The following MYO18B variants were observed in gnomAD, a reference collection of about 807,000 sequenced individuals.
The protein encoded by MYO18B is myosin XVIIIB.
MYO18B carries 204 observed loss-of-function variants against 273.0 expected under a neutral mutation model. The ratio of observed to expected loss-of-function variants is 0.75; its 90% CI spans 0.67 to 0.84. The LOEUF (loss-of-function observed/expected upper bound fraction) is 0.84. Among genes scored for constraint, MYO18B ranks in the 40% least tolerant of loss-of-function variants. The pLI is 0.00. For missense variants in MYO18B, 3,212 were observed against 3,287.6 expected (o/e 0.98, Z 0.56); for synonymous variants, 1,330 against 1,305.7 (o/e 1.02, Z -0.40).
chr22:25,830,737 G>C (rs886513688), intron 15 of MYO18B, among the ~76,000 whole-genome samples: 1 of 152,262 alleles, frequency 6.6e-6, no homozygotes, highest in East Asian at 1.9e-4. Flanking sequence ...GTCACAACAG[G>C]TCTAAGGCTG....
intron 11 of MYO18B, 115 bp downstream of exon 11, chr22:25,785,606 GGGTT>G: frequency 8.8e-7 from 1 of 1,130,038 alleles, no homozygotes. Flanking sequence ...TAGTTGGCAA[GGGTT>G]GGTCATGTGG....
chr22:25,950,684 G>A (rs890786203), intron 37 of MYO18B, among the ~76,000 whole-genome samples: 2 of 152,040 alleles, frequency 1.3e-5, no homozygotes, highest in African/African-American at 4.8e-5. Flanking sequence ...CGATTCTCCC[G>A]CCTCAGCCTC....
chr22:25,853,152 C>T (rs1049432945), intron 21 of MYO18B, among the ~76,000 whole-genome samples: 2 of 152,212 alleles, frequency 1.3e-5, no homozygotes, highest in African/African-American at 4.8e-5. Flanking sequence ...GCAGCACCAT[C>T]AATATCATCA....
At chr22:25,838,493 C>T (rs1238070616) in intron 17 of MYO18B, among the ~76,000 whole-genome samples, 1 of 152,238 alleles carries the variant, frequency 6.6e-6, no homozygotes, top group Non-Finnish European at 1.5e-5. Context: ...CAGTCATGCA[C>T]CACATAGCAG....
the MYO18B span, among the ~76,000 whole-genome samples, chr22:26,054,249 C>G: frequency 2.0e-5 from 3 of 152,142 alleles, no homozygotes; most frequent in Non-Finnish European, 4.4e-5. Context: ...ATTTTTACCT[C>G]CTTCTTATTC....
intron 17 of MYO18B, among the ~76,000 whole-genome samples, chr22:25,843,156 C>G (rs922524401): frequency 6.6e-6 from 1 of 152,184 alleles, no homozygotes; most frequent in Admixed American, 6.5e-5. Flanking sequence ...TAGGATTTCT[C>G]TAGCCCCCAA....
chr22:25,968,449 T>C (rs896494171), intron 39 of MYO18B, among the ~76,000 whole-genome samples: 23 of 152,184 alleles, frequency 1.5e-4, no homozygotes, highest in African/African-American at 5.1e-4. Flanking sequence ...TCTGTGGGCC[T>C]TGACTCTTGC....
At chr22:25,852,175 C>G (rs925394644) in intron 21 of MYO18B, among the ~76,000 whole-genome samples, 1 of 152,182 alleles carries the variant, frequency 6.6e-6, no homozygotes, top group African/African-American at 2.4e-5. Context: ...ATGAACATCA[C>G]TCCTTAGGGC....
chr22:25,905,135 A>T (rs1601534825), intron 31 of MYO18B, among the ~76,000 whole-genome samples: 1 of 151,382 alleles, frequency 6.6e-6, no homozygotes, highest in Non-Finnish European at 1.5e-5. Flanking sequence ...AACTCTGAGC[A>T]GCTCTGTTGA....
At chr22:25,994,590 C>T (rs1320572898) in intron 40 of MYO18B, among the ~76,000 whole-genome samples, 1 of 152,226 alleles carries the variant, frequency 6.6e-6, no homozygotes, top group African/African-American at 2.4e-5. Flanking sequence ...AGTATTCCCG[C>T]TATTCCCTGC....
intron 27 of MYO18B, 104 bp from the exon 28 acceptor site, chr22:25,895,052 T>C (rs1271197030): frequency 1.5e-6 from 2 of 1,368,302 alleles, no homozygotes; most frequent in African/African-American, 2.9e-5. Flanking sequence ...GTGAATATTG[T>C]GAAATTGCAT....
Position 25,826,444 on chromosome 22 carries a change from A to G in MYO18B, c.2731A>G (p.Met911Val), listed in dbSNP as rs757042269. The part of the protein sequence containing the change: ...KMTGVDCVEG[M>V]ASGLYQELFA... ...GACAGGAGTGGACTGTGTGGAGGGGATGGCCTCGGGCCTGTACCAGGAACT... is the reference window on the plus strand; with the variant it reads ...GACAGGAGTGGACTGTGTGGAGGGGGTGGCCTCGGGCCTGTACCAGGAACT... Residue 911 changes from methionine (M) to valine (V), a missense_variant, in exon 14 of 44, where the codon ATG becomes GTG. Coordinates refer to ENST00000335473, the MANE Select transcript of MYO18B (RefSeq NM_032608.7). 3 of 1,613,616 alleles carry G rather than the reference A, an allele frequency of 1.9e-6. No individual in the cohort carries two copies. The highest frequency in any genetic ancestry group is 3.3e-5 in the Admixed American group (2 of 59,988).
intron 1 of MYO18B, chr22:25,756,735 T>G (rs133869): frequency 2.6e-5 from 4 of 152,246 alleles, no homozygotes; most frequent in Non-Finnish European, 5.9e-5. Flanking sequence ...ATTTCTCTGT[T>G]TTGGGAACAT....
downstream of MYO18B, among the ~76,000 whole-genome samples, chr22:26,034,481 G>GA (rs973068582): frequency 1.3e-5 from 2 of 152,210 alleles, no homozygotes; most frequent in African/African-American, 4.8e-5. Context: ...AAGAGCTCAT[G>GA]AATCAGCCCA....
intron 1 of MYO18B, among the ~76,000 whole-genome samples, chr22:25,744,434 A>C (rs904351553): frequency 1.3e-5 from 2 of 152,152 alleles, no homozygotes; most frequent in African/African-American, 4.8e-5. Context: ...GCATATCTTT[A>C]ATATTTAAAC....
chr22:26,046,963 C>T, the MYO18B span, among the ~76,000 whole-genome samples: 1 of 152,052 alleles, frequency 6.6e-6, no homozygotes, highest in African/African-American at 2.4e-5. Context: ...CAGTTCTCCT[C>T]CATGGGTTTG....
At chr22:25,761,614 A>G (rs1182485934) in intron 2 of MYO18B, among the ~76,000 whole-genome samples, 2 of 151,910 alleles carry the variant, frequency 1.3e-5, no homozygotes, top group Non-Finnish European at 2.9e-5. Flanking sequence ...CCCCTTTAGT[A>G]TTTTTCATGA....
chr22:25,776,036 C>T (rs980581723), intron 7 of MYO18B, among the ~76,000 whole-genome samples: 1 of 152,110 alleles, frequency 6.6e-6, no homozygotes, highest in East Asian at 1.9e-4. Flanking sequence ...CTCTGGGCCC[C>T]CTGTGGTCAA....
chr22:25,781,381 G>A (rs1434638660), intron 9 of MYO18B, among the ~76,000 whole-genome samples: 2 of 152,028 alleles, frequency 1.3e-5, no homozygotes, highest in Non-Finnish European at 2.9e-5. Flanking sequence ...AGGCTGAGAC[G>A]GGTGGATCAT....
Sources: gnomAD v4.1 joint callset for allele counts (sites outside exome capture counted in the v4.1 genomes callset) on GRCh38, gnomAD v4.1.1 for gene constraint, MANE v1.5 for transcripts, NCBI Gene and HGNC (gene_info 2026-07-23, HGNC 2026-07-21) for gene names.